Variants in C10orf90 observed in about 807,000 individuals in gnomAD.
The protein encoded by C10orf90 is chromosome 10 open reading frame 90.
A neutral mutation model predicts 62.5 loss-of-function variants in C10orf90; 56 were observed. The ratio of observed to expected loss-of-function variants is 0.90; its 90% CI spans 0.72 to 1.12. The LOEUF is 1.12. C10orf90 is among the 50% of genes most tolerant of loss of function. C10orf90 has a pLI of 0.00. For synonymous variants in C10orf90, 386 were observed against 340.4 expected (o/e 1.13, Z -1.47); for missense variants, 970 against 880.4 (o/e 1.10, Z -1.29).
intron 7 of C10orf90, among the ~76,000 whole-genome samples, chr10:126,443,558 G>A (rs186814753): frequency 1.8e-3 from 280 of 152,100 alleles, no homozygotes; most frequent in African/African-American, 6.5e-3. Flanking sequence ...AGGACCAGAC[G>A]GATTCACAGA....
intron 1 of C10orf90, among the ~76,000 whole-genome samples, chr10:126,664,796 T>C (rs1480214798): frequency 6.6e-6 from 1 of 152,192 alleles, no homozygotes; most frequent in Non-Finnish European, 1.5e-5. Context: ...AGATTTCAGA[T>C]ATGCCTCCTG....
At chr10:126,515,324 C>A (rs2133923471) in intron 2 of C10orf90, among the ~76,000 whole-genome samples, 1 of 152,344 alleles carries the variant, frequency 6.6e-6, no homozygotes, top group East Asian at 1.9e-4. Flanking sequence ...CATTCACTCA[C>A]CACTCACTCA....
intron 2 of C10orf90, among the ~76,000 whole-genome samples, chr10:126,632,485 T>G (rs1289757331): frequency 2.0e-5 from 3 of 151,786 alleles, no homozygotes; most frequent in Admixed American, 6.6e-5. Context: ...CTCAGTATTA[T>G]CTACCAAATG....
At chr10:126,566,483 A>G (rs1232926102) in intron 2 of C10orf90, among the ~76,000 whole-genome samples, 1 of 152,204 alleles carries the variant, frequency 6.6e-6, no homozygotes, top group Non-Finnish European at 1.5e-5. Context: ...AAGGGCTGCA[A>G]TGAGGGATAC....
chr10:126,604,320 C>T (rs998446253), intron 2 of C10orf90, among the ~76,000 whole-genome samples: 2 of 152,140 alleles, frequency 1.3e-5, no homozygotes, highest in African/African-American at 4.8e-5. Context: ...AAGCAACAAC[C>T]ATCACCAAAA....
intron 1 of C10orf90, among the ~76,000 whole-genome samples, chr10:126,666,031 G>A (rs973424680): frequency 2.0e-5 from 3 of 152,188 alleles, no homozygotes; most frequent in Non-Finnish European, 4.4e-5. Context: ...GAGACATCAG[G>A]TAGAGTCCTC....
At chr10:126,440,521 C>G (rs1858238504) in intron 7 of C10orf90, among the ~76,000 whole-genome samples, 1 of 152,132 alleles carries the variant, frequency 6.6e-6, no homozygotes, top group South Asian at 2.1e-4. Flanking sequence ...CTGCCGGTTC[C>G]TCTCCATACT....
chr10:126,553,647 C>G (rs943943774), intron 2 of C10orf90, among the ~76,000 whole-genome samples: 2 of 152,168 alleles, frequency 1.3e-5, no homozygotes, highest in East Asian at 3.9e-4. Context: ...TACAGTCATG[C>G]TGTACAGGTT....
At chr10:126,461,030 C>T (rs1342836693) in intron 6 of C10orf90, among the ~76,000 whole-genome samples, 1 of 152,158 alleles carries the variant, frequency 6.6e-6, no homozygotes, top group Non-Finnish European at 1.5e-5. Context: ...TCAGTGTCCT[C>T]ATCTGAAGAC....
intron 4 of C10orf90, among the ~76,000 whole-genome samples, chr10:126,480,057 C>T (rs964060427): frequency 6.6e-6 from 1 of 152,064 alleles, no homozygotes; most frequent in Admixed American, 6.5e-5. Context: ...CATTCTGGTT[C>T]AAAAGATCTG....
At chr10:126,557,124 G>A (rs1864793048) in intron 2 of C10orf90, among the ~76,000 whole-genome samples, 1 of 151,826 alleles carries the variant, frequency 6.6e-6, no homozygotes, top group Non-Finnish European at 1.5e-5. Flanking sequence ...TTAAAGTCAT[G>A]GAATAGTCAA....
intron 2 of C10orf90, among the ~76,000 whole-genome samples, chr10:126,638,147 C>G (rs1272277555): frequency 6.6e-6 from 1 of 152,052 alleles, no homozygotes; most frequent in Non-Finnish European, 1.5e-5. Flanking sequence ...GTTCACTGGG[C>G]CCCCCTGCCT....
At position 126,483,089 on chromosome 10, in the gene C10orf90, A is replaced by C. The variant is rs142751456; in HGVS notation, c.1535-18103T>G. On this transcript the variant is annotated intron_variant, in intron 4 of 9. Transcript: ENST00000488181. Reference sequence around the variant, plus strand: ...ATGACAGTTATAGTGTGTGAATTATATCTCCATGAAATTGTTAACAAATGA... The same window carrying C: ...ATGACAGTTATAGTGTGTGAATTATCTCTCCATGAAATTGTTAACAAATGA... 4.8e-4 allele frequency among the ~76,000 whole-genome samples: 73 copies of C among 152,374 alleles called. No individual in the cohort carries two copies. In the East Asian group the frequency reaches 0.014, roughly 29 times the overall value.
intron 2 of C10orf90, among the ~76,000 whole-genome samples, chr10:126,604,321 A>G (rs967016012): frequency 9.2e-5 from 14 of 152,148 alleles, no homozygotes; most frequent in East Asian, 3.9e-4. Flanking sequence ...AGCAACAACC[A>G]TCACCAAAAA....
rs1157503641 is a variant in C10orf90, at chr10:126,565,408, A to T, written c.314-51469T>A. ...ATATTATATATATTATATTATATAT[A>T]ATATATATTATATATATTATATATA... is the stretch of plus-strand genomic sequence containing the variant. On this transcript the variant is annotated intron_variant, in intron 2 of 9. Coordinates refer to ENST00000488181, the MANE Select transcript of C10orf90 (RefSeq NM_001350921.2). 1.5e-3 allele frequency among the ~76,000 whole-genome samples: 66 copies of T among 44,954 alleles called. 1 individual carries two copies. The highest frequency in any genetic ancestry group is 5.4e-3 in the African/African-American group (65 of 12,056). 29.5% of individuals were successfully genotyped at this position (44,954 alleles called of 152,430 possible).
At chr10:126,543,887 G>A (rs1335971509) in intron 2 of C10orf90, among the ~76,000 whole-genome samples, 2 of 152,110 alleles carry the variant, frequency 1.3e-5, no homozygotes, top group African/African-American at 4.8e-5. Context: ...CTGCTGACTC[G>A]AGCTTCAAGG....
intron 1 of C10orf90, among the ~76,000 whole-genome samples, chr10:126,649,499 G>A (rs376288632): frequency 3.1e-4 from 47 of 152,080 alleles, no homozygotes; most frequent in Non-Finnish European, 4.4e-4. Flanking sequence ...CAGGGCCCTC[G>A]CACGCATTGT....
chr10:126,611,799 T>C (rs1246328870), intron 2 of C10orf90, among the ~76,000 whole-genome samples: 1 of 152,124 alleles, frequency 6.6e-6, no homozygotes, highest in African/African-American at 2.4e-5. Flanking sequence ...TCTCACCATT[T>C]CTGGGGTTCT....
intron 4 of C10orf90, among the ~76,000 whole-genome samples, chr10:126,472,990 A>C (rs1177728755): frequency 6.6e-6 from 1 of 152,104 alleles, no homozygotes; most frequent in Non-Finnish European, 1.5e-5. Context: ...CCCTCAAATA[A>C]ATTTTTTGAC....
Sources: gnomAD v4.1 joint callset for allele counts (sites outside exome capture counted in the v4.1 genomes callset) on GRCh38, gnomAD v4.1.1 for gene constraint, MANE v1.5 for transcripts, NCBI Gene and HGNC (gene_info 2026-07-23, HGNC 2026-07-21) for gene names.